MGAT4B: variants seen among roughly 807,000 people sequenced by gnomAD.
MGAT4B encodes alpha-1,3-mannosyl-glycoprotein 4-beta-N-acetylglucosaminyltransferase B, also known as N-acetylglucosaminyltransferase IVb.
Under a neutral mutation model 73.9 loss-of-function variants are expected in MGAT4B, and 38 were observed. That is an observed-to-expected ratio of 0.51 (90% CI 0.40 to 0.67). The LOEUF (loss-of-function observed/expected upper bound fraction) is 0.67, where lower values mean the gene tolerates loss of function less well. Among genes scored for constraint, MGAT4B ranks in the 30% least tolerant of loss-of-function variants. The pLI is 0.00. For synonymous variants in MGAT4B, 373 were observed against 313.5 expected (o/e 1.19, Z -2.01); for missense variants, 686 against 735.2 (o/e 0.93, Z 0.77).
At chr5:179,798,490 C>CA in intron 12 of MGAT4B, 23 bp downstream of exon 12, 1 of 1,613,364 alleles carries the variant, frequency 6.2e-7, no homozygotes, top group Non-Finnish European at 8.5e-7. Flanking sequence ...GGCTTCAGTG[C>CA]ACACCACACC....
At chr5:179,799,891 G>C (rs763931838) in intron 8 of MGAT4B, 63 bp downstream of exon 8, 1 of 1,468,324 alleles carries the variant, frequency 6.8e-7, no homozygotes, top group Non-Finnish European at 9.5e-7. Context: ...AGTGGGACTG[G>C]GAGAGAGGAT....
At position 179,800,498 on chromosome 5, in the gene MGAT4B, G is replaced by A. The variant is rs563392580; in HGVS notation, c.705C>T (p.Pro235=). The change falls in exon 6 of 15, where the codon CCC becomes CCT. Residue 235 remains proline (P), a synonymous_variant. Coordinates refer to ENST00000292591, the MANE Select transcript of MGAT4B (RefSeq NM_014275.5). ...FSRLRESFGD[P]KERVRWRTKQ... is the part of the protein sequence containing the mutation. ...GTAACTAGTACCTGACTCTCTCCTT[G>A]GGGTCCCCAAAGGACTCTCGGAGGC... 5 of 1,606,914 alleles carry A rather than the reference G, an allele frequency of 3.1e-6. No homozygotes were observed. In the South Asian group the frequency reaches 4.4e-5, roughly 14 times the overall value.
rs776812428 is a variant in MGAT4B, at chr5:179,798,374, G to A, written c.1483C>T (p.Arg495Trp). The A allele has an allele frequency of 4.0e-5, 65 of 1,612,790 alleles. No homozygotes were observed. Among genetic ancestry groups the A allele is most frequent in the Non-Finnish European group, 5.2e-5 (61 of 1,179,986 alleles). ...EGRTATLRYP[R>W]SPDGYLQIGS... ...ATCTGGAGGTAGCCGTCGGGGCTCC[G>A]AGGGTACCGGAGGGTGGCGGTGCGG... Residue 495 changes from arginine to tryptophan, a missense_variant, in exon 13 of 15, where the codon CGG becomes TGG. Arg to Trp is a moderately radical substitution (Grantham distance 101). This residue lies in a region of MGAT4B where 449 missense variants were observed against 536.8 expected (regional missense o/e 0.84). Coordinates refer to ENST00000292591, the MANE Select transcript of MGAT4B (RefSeq NM_014275.5).
In MGAT4B at chr5:179,804,579, C is replaced by T. The variant is rs552866743; in HGVS notation, c.97+1908G>A. 3.3e-5 allele frequency among the ~76,000 whole-genome samples: 5 copies of T among 152,312 alleles called. No individual in the cohort carries two copies. The South Asian group carries it at 6.2e-4, about 19-fold the overall frequency. On this transcript the variant is annotated intron_variant, in intron 1 of 14. Transcript: ENST00000292591. ...GTCCATTTTGCGTTGGTCTAAGAGGCCGTCCTGGGCTTGACCTTGCGTTTC... is the reference window on the plus strand; with the variant it reads ...GTCCATTTTGCGTTGGTCTAAGAGGTCGTCCTGGGCTTGACCTTGCGTTTC...
Position 179,801,605 on chromosome 5 carries a change from T to G in MGAT4B, c.373A>C (p.Lys125Gln). ...ACCGCGGGCTGCAGACTGCTCTCCT[T>G]GGCCAGCAGGTGTGGCAGGTGATGG... Reference protein sequence around the residue: ...VFHHLPHLLAKESSLQPAVRV... With the variant: ...VFHHLPHLLAQESSLQPAVRV... The change falls in exon 3 of 15, where the codon AAG becomes CAG. Residue 125 changes from lysine to glutamine, a missense_variant. Coordinates refer to ENST00000292591, the MANE Select transcript of MGAT4B (RefSeq NM_014275.5). This position sits in a 1 kb window ranked among gnomAD's most constrained non-coding sequence, Gnocchi z 4.8. 4 of 1,607,800 alleles carry G rather than the reference T, an allele frequency of 2.5e-6. No individual in the cohort carries two copies. Among genetic ancestry groups the G allele is most frequent in the Non-Finnish European group, 3.4e-6 (4 of 1,178,172 alleles).
intron 1 of MGAT4B, chr5:179,805,302 T>C (rs1031410698): frequency 1.5e-4 from 23 of 152,316 alleles, no homozygotes; most frequent in African/African-American, 4.3e-4. Flanking sequence ...CCAGTGTGCT[T>C]TTATAGTCAC....
chr5:179,801,562 C>G lies in MGAT4B; in HGVS notation c.416G>C (p.Arg139Pro). The G allele has an allele frequency of 6.2e-7, 1 of 1,608,216 alleles. No homozygotes were observed. The highest frequency in any genetic ancestry group is 8.5e-7 in the Non-Finnish European group (1 of 1,177,974). ...LQPAVRVGQG[R>P]TGVSVVMGIP... ...CCTGTCTGCGCCCATACCTCCGGTGCGGCCCTGGCCCACGCGCACCGCGGG... is the reference window on the plus strand; with the variant it reads ...CCTGTCTGCGCCCATACCTCCGGTGGGGCCCTGGCCCACGCGCACCGCGGG... The change falls in exon 3 of 15, where the codon CGC becomes CCC. Residue 139 changes from arginine (R) to proline (P), a missense_variant. Around this residue, in one of 2 missense-constraint regions of MGAT4B, gnomAD observed 237 missense variants for 198.5 expected, o/e 1.19. Coordinates refer to ENST00000292591, the MANE Select transcript of MGAT4B (RefSeq NM_014275.5). This position sits in a 1 kb window ranked among gnomAD's most constrained non-coding sequence, Gnocchi z 4.8.
Position 179,800,890 on chromosome 5 carries a change from G to A in MGAT4B, c.605+17C>T, listed in dbSNP as rs1756891780. The A allele has an allele frequency of 1.2e-6, 2 of 1,612,408 alleles. No homozygotes were observed. The highest frequency in any genetic ancestry group is 1.7e-5 in the Admixed American group (1 of 59,978). The stretch of plus-strand genomic sequence containing the variant: ...GAGCTCTCCCGCCACCAGCTCTCTG[G>A]GGTCGCCAGTACTCACAAGGCCTTG... On this transcript the variant is annotated intron_variant, in intron 5 of 14. Transcript: ENST00000292591.
rs1373546432 is a variant in MGAT4B, at chr5:179,798,288, G to A, written c.1511-11C>T. The A allele has an allele frequency of 3.1e-6, 5 of 1,612,692 alleles. No individual in the cohort carries two copies. Among genetic ancestry groups the A allele is most frequent in the East Asian group, 4.5e-5 (2 of 44,882 alleles). On this transcript the variant is annotated splice_polypyrimidine_tract_variant and intron_variant, in intron 13 of 14. Coordinates refer to ENST00000292591, the MANE Select transcript of MGAT4B (RefSeq NM_014275.5). Reference sequence around the variant, plus strand: ...CCTTGTAGAAGGAGCCTGTGGGAGGGCAGTGGTGAGAGGGTGTCCCTGAAC... The same window carrying A: ...CCTTGTAGAAGGAGCCTGTGGGAGGACAGTGGTGAGAGGGTGTCCCTGAAC...
At chr5:179,802,320 C>T in intron 1 of MGAT4B, 1 of 1,361,086 alleles carries the variant, frequency 7.3e-7, no homozygotes, top group Non-Finnish European at 9.4e-7. Context: ...CATCCGTTGG[C>T]CTCCAAAGCC....
chr5:179,800,300 A>G (rs1756856669), intron 6 of MGAT4B, 41 bp from the exon 7 acceptor site: 2 of 1,606,790 alleles, frequency 1.2e-6, no homozygotes, highest in Non-Finnish European at 8.5e-7. Context: ...AGACCCCTCC[A>G]CCTCCATTGT....
intron 5 of MGAT4B, 137 bp downstream of exon 5, chr5:179,800,770 C>T (rs1756884287): frequency 2.8e-6 from 3 of 1,089,814 alleles, no homozygotes; most frequent in South Asian, 2.7e-5. Flanking sequence ...TTCTGCACAC[C>T]CACCCCTCCC....
At position 179,798,612 on chromosome 5, in the gene MGAT4B, G is replaced by C. The variant is rs1329674109; in HGVS notation, c.1344-21C>G. 3 of 1,612,776 alleles carry C rather than the reference G, an allele frequency of 1.9e-6. No individual in the cohort carries two copies. The South Asian group carries it at 3.3e-5, about 18-fold the overall frequency. On this transcript the variant is annotated intron_variant, in intron 11 of 14. Coordinates refer to ENST00000292591, the MANE Select transcript of MGAT4B (RefSeq NM_014275.5). ...AGAACCTGCAGCCAGGCAGGCCTGT[G>C]AGCTGCTGCAGGGGCAGCGTTCCAG... is the stretch of plus-strand genomic sequence containing the variant.
intron 8 of MGAT4B, 23 bp downstream of exon 8, chr5:179,799,931 G>A (rs371368562): frequency 2.5e-5 from 40 of 1,587,822 alleles, no homozygotes; most frequent in African/African-American, 4.0e-5. Context: ...GAAAGGCACC[G>A]TCAGGTAAGG....
chr5:179,805,794 C>A (rs945523185), intron 1 of MGAT4B, among the ~76,000 whole-genome samples: 1 of 152,228 alleles, frequency 6.6e-6, no homozygotes, highest in African/African-American at 2.4e-5. Context: ...AGGCCCTACT[C>A]GGCCCCACCA....
Position 179,797,842 on chromosome 5 carries a change from C to A in MGAT4B, c.*203G>T, listed in dbSNP as rs772205125. On this transcript the variant is annotated 3_prime_UTR_variant, in exon 15 of 15. Transcript: ENST00000292591. ...TCAGGCACAGTGTGGGGGCCGCCTGCCTCCTCCGCGGCCCGGCGGGCGGGG... is the reference window on the plus strand; with the variant it reads ...TCAGGCACAGTGTGGGGGCCGCCTGACTCCTCCGCGGCCCGGCGGGCGGGG... The A allele has an allele frequency of 4.4e-5, 29 of 658,120 alleles. No individual in the cohort carries two copies. The highest frequency in any genetic ancestry group is 7.2e-5 in the Non-Finnish European group (29 of 403,826). 40.8% of individuals were successfully genotyped at this position (658,120 alleles called of 1,614,324 possible).
Position 179,800,865 on chromosome 5 carries a change from G to A in MGAT4B, c.605+42C>T, listed in dbSNP as rs12518252. 10,333 of 1,605,472 alleles carry A rather than the reference G, an allele frequency of 6.4e-3. 487 individuals are homozygous for A. The African/African-American group carries it at 0.11, about 18-fold the overall frequency. ...ACCTGCCAGCACAACACCCCGCACC[G>A]AGCTCTCCCGCCACCAGCTCTCTGG... On this transcript the variant is annotated intron_variant, in intron 5 of 14. Transcript: ENST00000292591.
chr5:179,803,397 T>C, intron 1 of MGAT4B: 5 of 432,962 alleles, frequency 1.2e-5, no homozygotes, highest in Non-Finnish European at 1.5e-5. Context: ...CAGAGCTGGC[T>C]ATCCCCAGGG....
Position 179,801,020 on chromosome 5 carries a change from G to C in MGAT4B, c.559-67C>G. The C allele has an allele frequency of 2.5e-6, 4 of 1,571,596 alleles. No individual in the cohort carries two copies. The highest frequency in any genetic ancestry group is 3.5e-6 in the Non-Finnish European group (4 of 1,143,072). ...CCCAAAAGGCCTGGAAGGGCTTGGA[G>C]AAGGGGCACAGGCTTCAGATGCCCC... On this transcript the variant is annotated intron_variant, in intron 4 of 14. Coordinates refer to ENST00000292591, the MANE Select transcript of MGAT4B (RefSeq NM_014275.5). This position sits in a 1 kb window ranked among gnomAD's most constrained non-coding sequence, Gnocchi z 4.8.
Sources: allele counts gnomAD v4.1 joint callset (sites outside exome capture counted in the v4.1 genomes callset), GRCh38; gene constraint gnomAD v4.1.1; regional missense constraint gnomAD v4.1.1; non-coding constraint Gnocchi (gnomAD v3.1); transcripts MANE v1.5; gene names NCBI Gene and HGNC (gene_info 2026-07-23, HGNC 2026-07-21).